Variants in DSCAM observed in about 807,000 individuals in gnomAD.
DSCAM encodes the protein cell adhesion molecule DSCAM.
In DSCAM, 47 loss-of-function variants were observed where a neutral mutation model predicts 217.7. That is an observed-to-expected ratio of 0.22 (90% CI 0.17 to 0.28). The LOEUF is 0.28. Ranked by LOEUF, DSCAM falls within the 10% of genes least tolerant of loss-of-function variation. The pLI is 1.00. For synonymous variants in DSCAM, 1,056 were observed against 1,015.3 expected (o/e 1.04, Z -0.76); for missense variants, 2,080 against 2,618.3 (o/e 0.79, Z 4.49).
intron 18 of DSCAM, among the ~76,000 whole-genome samples, chr21:40,140,565 T>C (rs1430789714): frequency 1.3e-5 from 2 of 152,086 alleles, no homozygotes; most frequent in East Asian, 3.9e-4. Flanking sequence ...TCAAAGAACA[T>C]TAAGGGTATT....
chr21:40,320,774 T>C (rs997694121), intron 8 of DSCAM, among the ~76,000 whole-genome samples: 5 of 152,098 alleles, frequency 3.3e-5, no homozygotes, highest in African/African-American at 4.8e-5. Context: ...ACGAGAACAG[T>C]ATGAGGAAAC....
At chr21:40,535,051 C>A (rs1430872730) in intron 3 of DSCAM, among the ~76,000 whole-genome samples, 4 of 152,022 alleles carry the variant, frequency 2.6e-5, no homozygotes, top group African/African-American at 9.7e-5. Context: ...ACCTTTGATA[C>A]CAAGTCACTA....
chr21:40,607,364 C>A (rs1173238730), intron 3 of DSCAM, among the ~76,000 whole-genome samples: 1 of 150,182 alleles, frequency 6.7e-6, no homozygotes, highest in Non-Finnish European at 1.5e-5. Context: ...TTATTTGGAT[C>A]CAAATTTCAT....
intron 3 of DSCAM, among the ~76,000 whole-genome samples, chr21:40,496,720 A>C (rs1032822098): frequency 3.3e-5 from 5 of 152,142 alleles, no homozygotes; most frequent in African/African-American, 1.2e-4. Flanking sequence ...GGAATAAGAG[A>C]ATATATTTTC....
intron 3 of DSCAM, among the ~76,000 whole-genome samples, chr21:40,626,255 C>G (rs1042022913): frequency 5.3e-5 from 8 of 152,140 alleles, no homozygotes; most frequent in African/African-American, 1.7e-4. Context: ...TGTCAACACA[C>G]CCATCAGCAG....
At chr21:40,532,077 T>G (rs1393057916) in intron 3 of DSCAM, among the ~76,000 whole-genome samples, 1 of 152,238 alleles carries the variant, frequency 6.6e-6, no homozygotes, top group South Asian at 2.1e-4. Context: ...ACTTTTTGCT[T>G]TGATACACTC....
At chr21:40,830,872 C>G (rs2092006829) in intron 1 of DSCAM, among the ~76,000 whole-genome samples, 1 of 152,188 alleles carries the variant, frequency 6.6e-6, no homozygotes, top group Admixed American at 6.5e-5. Flanking sequence ...GAAATTCAGG[C>G]TGCTTAGGCC....
intron 1 of DSCAM, among the ~76,000 whole-genome samples, chr21:40,730,079 C>T (rs1339826538): frequency 6.6e-6 from 1 of 152,150 alleles, no homozygotes; most frequent in Non-Finnish European, 1.5e-5. Flanking sequence ...GCTTGGGCTT[C>T]ACCGAGCAGA....
chr21:40,827,797 T>C (rs1485732274), intron 1 of DSCAM, among the ~76,000 whole-genome samples: 2 of 152,166 alleles, frequency 1.3e-5, no homozygotes, highest in Non-Finnish European at 2.9e-5. Context: ...ATCGTTCAAC[T>C]CATGTGATAA....
At chr21:40,315,536 G>C (rs1419407441) in intron 8 of DSCAM, among the ~76,000 whole-genome samples, 1 of 152,166 alleles carries the variant, frequency 6.6e-6, no homozygotes, top group African/African-American at 2.4e-5. Flanking sequence ...ACAGAAGTAA[G>C]AGGTAGCTAT....
intron 3 of DSCAM, among the ~76,000 whole-genome samples, chr21:40,495,389 A>G (rs181844125): frequency 3.0e-4 from 45 of 152,312 alleles, no homozygotes; most frequent in Admixed American, 5.2e-4. Context: ...AATACATGCA[A>G]ATCAATACAT....
intron 3 of DSCAM, among the ~76,000 whole-genome samples, chr21:40,674,702 G>A (rs2090317539): frequency 2.8e-5 from 4 of 142,866 alleles, no homozygotes; most frequent in East Asian, 2.1e-4. Context: ...GCGCGATCTC[G>A]GCTCACTGCA....
At chr21:40,726,575 A>G (rs973709415) in intron 1 of DSCAM, among the ~76,000 whole-genome samples, 9 of 152,056 alleles carry the variant, frequency 5.9e-5, no homozygotes, top group Admixed American at 3.3e-4. Flanking sequence ...CACAGAAAGC[A>G]AAGTCTGTAA....
At chr21:40,407,984 T>G (rs2075292791) in intron 3 of DSCAM, among the ~76,000 whole-genome samples, 1 of 152,216 alleles carries the variant, frequency 6.6e-6, no homozygotes, top group African/African-American at 2.4e-5. Context: ...TCAAAGGAAC[T>G]TAGCTCTTTA....
intron 3 of DSCAM, among the ~76,000 whole-genome samples, chr21:40,658,437 G>A (rs2090099720): frequency 6.6e-6 from 1 of 152,162 alleles, no homozygotes; most frequent in African/African-American, 2.4e-5. Context: ...CTTCATAAGA[G>A]TAAACACCAT....
At chr21:40,714,538 C>G (rs1487302922) in intron 1 of DSCAM, among the ~76,000 whole-genome samples, 1 of 152,168 alleles carries the variant, frequency 6.6e-6, no homozygotes, top group Admixed American at 6.5e-5. Context: ...TTACTTGAAA[C>G]CTGTTACCTC....
intron 3 of DSCAM, among the ~76,000 whole-genome samples, chr21:40,372,793 T>C (rs1053253472): frequency 2.6e-5 from 4 of 152,238 alleles, no homozygotes; most frequent in Admixed American, 6.5e-5. Flanking sequence ...TTTAGGACTT[T>C]GTATAAACTA....
intron 3 of DSCAM, among the ~76,000 whole-genome samples, chr21:40,490,460 C>T (rs774495278): frequency 6.6e-6 from 1 of 152,122 alleles, no homozygotes; most frequent in Non-Finnish European, 1.5e-5. Flanking sequence ...TACTTTCCCA[C>T]TGTGTGGCTG....
At chr21:40,508,177 G>A (rs1356011083) in intron 3 of DSCAM, among the ~76,000 whole-genome samples, 3 of 152,168 alleles carry the variant, frequency 2.0e-5, no homozygotes, top group Admixed American at 2.0e-4. Context: ...ACACTGTCAG[G>A]CAGGGAAGAA....
Sources: allele counts gnomAD v4.1 joint callset (sites outside exome capture counted in the v4.1 genomes callset), GRCh38; gene constraint gnomAD v4.1.1; transcripts MANE v1.5; gene names NCBI Gene and HGNC (gene_info 2026-07-23, HGNC 2026-07-21).